Variants in GPATCH2L observed in about 807,000 individuals in gnomAD.
GPATCH2L encodes the protein G patch domain-containing protein 2-like.
A neutral mutation model predicts 57.4 loss-of-function variants in GPATCH2L; 31 were observed. That is an observed-to-expected ratio of 0.54 (90% confidence interval 0.41 to 0.73). The LOEUF is 0.73. Among genes scored for constraint, GPATCH2L ranks in the 30% least tolerant of loss-of-function variants. The probability of loss-of-function intolerance (pLI) is 0.00; values close to 1 mark genes in which losing one functional copy is unlikely to be tolerated. For synonymous variants in GPATCH2L, 199 were observed against 210.7 expected, an observed-to-expected ratio of 0.94 and a Z score of 0.48; for missense variants, 481 against 599.9, an observed-to-expected ratio of 0.80 and a Z score of 2.07.
At chr14:76,161,718 C>T (rs1260567832) in intron 2 of GPATCH2L, among the ~76,000 whole-genome samples, 1 of 152,172 alleles carries the variant, frequency 6.6e-6, no homozygotes, top group Non-Finnish European at 1.5e-5. Flanking sequence ...TTATCTGTTG[C>T]TGCAGAAAAA....
intron 8 of GPATCH2L, among the ~76,000 whole-genome samples, chr14:76,188,889 G>C (rs2039867576): frequency 6.6e-6 from 1 of 152,056 alleles, no homozygotes; most frequent in Non-Finnish European, 1.5e-5. Context: ...TATATGGTGA[G>C]AGATAGGGGT....
At chr14:76,223,198 A>C (rs2040523058) in intron 1 of GPATCH2L, among the ~76,000 whole-genome samples, 1 of 152,226 alleles carries the variant, frequency 6.6e-6, no homozygotes, top group Non-Finnish European at 1.5e-5. Flanking sequence ...AAGGAAAATT[A>C]TAGGCCACTA....
At chr14:76,222,844 T>C (rs146346502) in intron 1 of GPATCH2L, among the ~76,000 whole-genome samples, 29 of 151,256 alleles carry the variant, frequency 1.9e-4, no homozygotes, top group Middle Eastern at 3.4e-3. Flanking sequence ...TAATCCTAGC[T>C]ACTCAGGAGG....
chr14:76,206,452 C>T lies in GPATCH2L; in HGVS notation c.*4601C>T, dbSNP rs1047166064. ...ACTATGGCCAAAAGAAGAAATTTTT[C>T]TGTCACTGCGAGTAGACATCATAAA... On this transcript the variant is annotated 3_prime_UTR_variant, in exon 10 of 10. Coordinates refer to ENST00000261530, the MANE Select transcript of GPATCH2L (RefSeq NM_017926.4). 1.3e-5 allele frequency: 2 copies of T among 152,230 alleles called. No homozygotes were observed. The highest frequency in any genetic ancestry group is 2.9e-5 in the Non-Finnish European group (2 of 68,042). 9.4% of individuals were successfully genotyped at this position (152,230 alleles called of 1,614,324 possible).
chr14:76,224,085 G>T (rs540419067), intron 1 of GPATCH2L, among the ~76,000 whole-genome samples: 1 of 152,264 alleles, frequency 6.6e-6, no homozygotes, highest in East Asian at 1.9e-4. Flanking sequence ...GATTCATGTG[G>T]CAACATGGAT....
At chr14:76,167,549 T>A (rs2038901475) in intron 3 of GPATCH2L, among the ~76,000 whole-genome samples, 1 of 152,216 alleles carries the variant, frequency 6.6e-6, no homozygotes, top group Admixed American at 6.5e-5. Flanking sequence ...GAAGAGATAC[T>A]GGGGCTGTGA....
At position 76,172,651 on chromosome 14, in the gene GPATCH2L, T is replaced by C. The variant is rs552171948; in HGVS notation, c.904+632T>C. Among the ~76,000 whole-genome samples, 57 of 152,346 alleles carry C rather than the reference T, an allele frequency of 3.7e-4. No individual in the cohort carries two copies. The South Asian group carries it at 0.012, about 31-fold the overall frequency. On this transcript the variant is annotated intron_variant, in intron 4 of 9. Transcript: ENST00000261530. ...TTTCCTGGGATGACAGGGTCATCACTTACGATATGTGACATTGGACAAAAC... is the reference window on the plus strand; with the variant it reads ...TTTCCTGGGATGACAGGGTCATCACCTACGATATGTGACATTGGACAAAAC...
chr14:76,152,800 TG>T (rs1176706611), intron 1 of GPATCH2L: 6 of 454,556 alleles, frequency 1.3e-5, no homozygotes, highest in African/African-American at 2.0e-5. Flanking sequence ...TTTTGTTTTT[TG>T]TATTTTTGTT....
chr14:76,227,303 G>A (rs2040540200), intron 1 of GPATCH2L, among the ~76,000 whole-genome samples: 1 of 152,194 alleles, frequency 6.6e-6, no homozygotes, highest in Non-Finnish European at 1.5e-5. Flanking sequence ...GATATCACTG[G>A]TGTGGTGTTT....
At chr14:76,173,675 A>G (rs2039190252) in intron 5 of GPATCH2L, 50 bp downstream of exon 5, 2 of 1,120,708 alleles carry the variant, frequency 1.8e-6, no homozygotes, top group Non-Finnish European at 2.7e-6. Context: ...AATATTCCCT[A>G]TGGGAGTTGT....
intron 8 of GPATCH2L, among the ~76,000 whole-genome samples, chr14:76,195,265 T>C (rs191394738): frequency 1.3e-5 from 2 of 152,362 alleles, no homozygotes; most frequent in Admixed American, 6.5e-5. Context: ...AATCCCATTG[T>C]CTTTCACAGA....
At chr14:76,152,406 C>G in intron 1 of GPATCH2L, 1 of 266,486 alleles carries the variant, frequency 3.8e-6, no homozygotes, top group Non-Finnish European at 7.6e-6. Flanking sequence ...TTGGCAGTTT[C>G]TGCCCTAGAA....
chr14:76,227,643 A>G (rs964255897), intron 1 of GPATCH2L, among the ~76,000 whole-genome samples: 2 of 152,228 alleles, frequency 1.3e-5, no homozygotes, highest in African/African-American at 4.8e-5. Context: ...CTTTTCGTTT[A>G]AGATATTAAA....
chr14:76,215,226 A>G (rs2139854666), downstream of GPATCH2L, among the ~76,000 whole-genome samples: 1 of 152,244 alleles, frequency 6.6e-6, no homozygotes, highest in East Asian at 1.9e-4. Flanking sequence ...ATACCATCTC[A>G]CACCAGTTAG....
chr14:76,164,453 G>C (rs1383041763), intron 2 of GPATCH2L, among the ~76,000 whole-genome samples: 4 of 152,118 alleles, frequency 2.6e-5, no homozygotes, highest in African/African-American at 9.7e-5. Context: ...TGGGACGGGG[G>C]CTGCAAAATT....
intron 8 of GPATCH2L, among the ~76,000 whole-genome samples, chr14:76,185,883 T>C (rs1422287221): frequency 6.6e-6 from 1 of 152,124 alleles, no homozygotes; most frequent in Non-Finnish European, 1.5e-5. Flanking sequence ...GCATAGGTGG[T>C]AGGAGATTAA....
rs2040353111 is a variant in GPATCH2L, at chr14:76,204,503, G to A, written c.*2652G>A. On this transcript the variant is annotated 3_prime_UTR_variant, in exon 10 of 10. Coordinates refer to ENST00000261530, the MANE Select transcript of GPATCH2L (RefSeq NM_017926.4). ...GCTTTCTGTATTAACCAGTTCCAGA[G>A]GATAGCCTTAGAAATGAGTGTATTT... The A allele has an allele frequency of 6.6e-6, 1 of 152,136 alleles. No homozygotes were observed. Among genetic ancestry groups the A allele is most frequent in the South Asian group, 2.1e-4 (1 of 4,826 alleles). The allele number at this position is 152,136 out of a possible 1,614,324, so 9.4% of individuals were successfully genotyped here. A position where few individuals can be genotyped will look rare whatever the true frequency, so the allele number is the denominator to read the frequency against.
chr14:76,154,725 C>T lies in GPATCH2L; in HGVS notation c.362C>T (p.Ala121Val). 6.2e-7 allele frequency: 1 copy of T among 1,614,198 alleles called. No homozygotes were observed. The highest frequency in any genetic ancestry group is 8.5e-7 in the Non-Finnish European group (1 of 1,180,042). ...GAATCTGACTCCTTTACTGAAAATG[C>T]ACCTTGTCGACCACTCAGGCGCAGG... is the stretch of plus-strand genomic sequence containing the variant. ...WHESDSFTEN[A>V]PCRPLRRRRK... is the part of the protein sequence containing the mutation. The change falls in exon 2 of 10, where the codon GCA (alanine) becomes GTA (valine). Residue 121 changes from alanine (A) to valine (V), a missense_variant. Ala to Val is a moderately conservative substitution (Grantham distance 64, BLOSUM62 0). Transcript: ENST00000261530. This position sits in a 1 kb window ranked among gnomAD's most constrained non-coding sequence, Gnocchi z 4.4.
At chr14:76,164,991 T>A (rs2038763611) in intron 2 of GPATCH2L, among the ~76,000 whole-genome samples, 1 of 152,140 alleles carries the variant, frequency 6.6e-6, no homozygotes, top group East Asian at 1.9e-4. Context: ...ACTTGCAGAA[T>A]CTAAGTGATG....
Sources: allele counts gnomAD v4.1 joint callset (sites outside exome capture counted in the v4.1 genomes callset), GRCh38; gene constraint gnomAD v4.1.1; non-coding constraint Gnocchi (gnomAD v3.1); transcripts MANE v1.5; gene names NCBI Gene and HGNC (gene_info 2026-07-23, HGNC 2026-07-21).